Variants in HNRNPM observed in about 807,000 individuals in gnomAD.
The protein encoded by HNRNPM is CEA receptor.
Under a neutral mutation model 73.1 loss-of-function variants are expected in HNRNPM, and 11 were observed. The ratio of observed to expected loss-of-function variants is 0.15; its 90% CI spans 0.09 to 0.25. The LOEUF (loss-of-function observed/expected upper bound fraction) is 0.25, where lower values mean the gene tolerates loss of function less well. Ranked by LOEUF, HNRNPM falls within the 10% of genes least tolerant of loss-of-function variation. HNRNPM has a pLI of 1.00. For synonymous variants in HNRNPM, 407 were observed against 355.2 expected, an observed-to-expected ratio of 1.15 and a Z score of -1.64; for missense variants, 789 against 1,067.9, an observed-to-expected ratio of 0.74 and a Z score of 3.64.
intron 6 of HNRNPM, 47 bp from the exon 7 acceptor site, chr19:8,466,188 C>T: frequency 6.4e-7 from 1 of 1,557,806 alleles, no homozygotes; most frequent in Non-Finnish European, 8.7e-7. Flanking sequence ...TGTTGTGTTT[C>T]TTAAGATGTT....
At chr19:8,476,009 A>G (rs1458859412) in intron 12 of HNRNPM, among the ~76,000 whole-genome samples, 2 of 150,268 alleles carry the variant, frequency 1.3e-5, no homozygotes, top group African/African-American at 4.9e-5. Context: ...GATGGAAATC[A>G]GGATGGGTTG....
chr19:8,471,484 T>A, intron 10 of HNRNPM, 57 bp downstream of exon 10: 1 of 1,039,938 alleles, frequency 9.6e-7, no homozygotes. Flanking sequence ...TTATTAATTA[T>A]TGGGACAACT....
At chr19:8,469,139 A>T (rs181628977) in intron 9 of HNRNPM, among the ~76,000 whole-genome samples, 1 of 152,296 alleles carries the variant, frequency 6.6e-6, no homozygotes, top group East Asian at 1.9e-4. Context: ...ACCAGGCTGC[A>T]CTCTAATTCA....
At chr19:8,473,524 G>A in intron 10 of HNRNPM, 140 bp from the exon 11 acceptor site, 2 of 624,736 alleles carry the variant, frequency 3.2e-6, no homozygotes, top group Non-Finnish European at 2.8e-6. Flanking sequence ...TTTTCTTGCT[G>A]ATTAAAATAT....
At position 8,466,327 on chromosome 19, in the gene HNRNPM, A is replaced by G. The variant is rs1344480381; in HGVS notation, c.723A>G (p.Gly241=). The change falls in exon 7 of 16, where the codon GGA becomes GGG. Residue 241 remains glycine (G), a synonymous_variant. Transcript: ENST00000325495. ...CAGACATTCTTGAAGATAAAGATGG[A>G]AAAAGTCGTGGAATAGGCACTGTTA... ...VRADILEDKD[G]KSRGIGTVTF... The G allele has an allele frequency of 5.6e-6, 9 of 1,613,976 alleles. No individual in the cohort carries two copies. Among genetic ancestry groups the G allele is most frequent in the Non-Finnish European group, 7.6e-6 (9 of 1,179,978 alleles).
rs1040017279 is a variant in HNRNPM at position 8,488,969 on chromosome 19, T to C, written c.*115T>C. 5.2e-6 allele frequency: 5 copies of C among 963,636 alleles called. No homozygotes were observed. The highest frequency in any genetic ancestry group is 1.6e-5 in the African/African-American group (1 of 61,876). The allele number at this position is 963,636 out of a possible 1,614,324, so 59.7% of individuals were successfully genotyped here. A position where few individuals can be genotyped will look rare whatever the true frequency, so the allele number is the denominator to read the frequency against. On this transcript the variant is annotated 3_prime_UTR_variant, in exon 16 of 16. Transcript: ENST00000325495. Reference sequence around the variant, plus strand: ...GATGTTTAAAAAATTCAGTTGCTTTTTGGGGTAATTTGAATTACTTTTTTA... The same window carrying C: ...GATGTTTAAAAAATTCAGTTGCTTTCTGGGGTAATTTGAATTACTTTTTTA...
At position 8,465,432 on chromosome 19, in the gene HNRNPM, A is replaced by T; in HGVS notation, c.547A>T (p.Ile183Phe). 1 of 1,613,836 alleles carries T rather than the reference A, an allele frequency of 6.2e-7. No homozygotes were observed. Among genetic ancestry groups the T allele is most frequent in the South Asian group, 1.1e-5 (1 of 91,060 alleles). The part of the protein sequence containing the change: ...GPGMITIPPS[I>F]LNNPNIPNEI... ...AGGAATGATTACTATCCCACCCAGT[A>T]TCCTAAATAATCCCAACATCCCAAA... Residue 183 changes from isoleucine (I) to phenylalanine (F), a missense_variant, in exon 6 of 16, where the codon ATC (isoleucine) becomes TTC (phenylalanine). Physicochemically the swap from Ile to Phe is conservative, Grantham distance 21. Coordinates refer to ENST00000325495, the MANE Select transcript of HNRNPM (RefSeq NM_005968.5).
intron 1 of HNRNPM, among the ~76,000 whole-genome samples, chr19:8,450,663 A>G (rs774742418): frequency 1.5e-4 from 23 of 151,818 alleles, no homozygotes; most frequent in Non-Finnish European, 1.0e-4. Context: ...TGGCCTCCCA[A>G]AGTGCTGGGA....
At chr19:8,472,671 C>T (rs1223431185) in intron 10 of HNRNPM, among the ~76,000 whole-genome samples, 2 of 152,212 alleles carry the variant, frequency 1.3e-5, no homozygotes. Flanking sequence ...CAATCTCTGC[C>T]TCCTGGGTTC....
rs535588966 is a variant in HNRNPM at position 8,483,468 on chromosome 19, T to C, written c.1174+257T>C. On this transcript the variant is annotated intron_variant, in intron 13 of 15. Coordinates refer to ENST00000325495, the MANE Select transcript of HNRNPM (RefSeq NM_005968.5). ...AGAGTGAATGCATGTGAAAGAGTGC[T>C]TCCGCACGTGCTGTGCACAGGCCGA... Among the ~76,000 whole-genome samples the C allele has an allele frequency of 2.6e-5, 4 of 152,384 alleles. No homozygotes were observed. In the South Asian group the frequency reaches 6.2e-4, roughly 24 times the overall value.
At chr19:8,465,022 C>T (rs1568274983) in intron 5 of HNRNPM, among the ~76,000 whole-genome samples, 1 of 152,156 alleles carries the variant, frequency 6.6e-6, no homozygotes, top group East Asian at 1.9e-4. Flanking sequence ...TTCAGTCTGG[C>T]GGTTCTACAT....
intron 13 of HNRNPM, among the ~76,000 whole-genome samples, chr19:8,483,868 C>T (rs749467407): frequency 1.3e-5 from 2 of 152,164 alleles, no homozygotes; most frequent in Admixed American, 6.5e-5. Context: ...CAGGCCTAAG[C>T]GATTCTCCCA....
At chr19:8,448,436 T>TA (rs1260276074) in intron 1 of HNRNPM, among the ~76,000 whole-genome samples, 1 of 151,830 alleles carries the variant, frequency 6.6e-6, no homozygotes, top group Non-Finnish European at 1.5e-5. Flanking sequence ...GTATCATATA[T>TA]AAAATAAATG....
At chr19:8,463,222 C>G (rs1272951136) in intron 3 of HNRNPM, among the ~76,000 whole-genome samples, 1 of 151,946 alleles carries the variant, frequency 6.6e-6, no homozygotes, top group East Asian at 1.9e-4. Context: ...TCTTGGAGAC[C>G]CTGAATTTAG....
intron 12 of HNRNPM, among the ~76,000 whole-genome samples, chr19:8,478,923 C>T (rs956054722): frequency 1.3e-5 from 2 of 152,168 alleles, no homozygotes; most frequent in African/African-American, 4.8e-5. Context: ...GAGTTGTGCA[C>T]TTGCTGATGC....
chr19:8,459,598 C>T (rs1485761248), intron 2 of HNRNPM, among the ~76,000 whole-genome samples: 4 of 152,108 alleles, frequency 2.6e-5, no homozygotes, highest in African/African-American at 9.7e-5. Context: ...ATATATAGGT[C>T]TTATAACATG....
At position 8,462,085 on chromosome 19, in the gene HNRNPM, G is replaced by A. The variant is rs552086358; in HGVS notation, c.284-444G>A. 6 of 173,238 alleles carry A rather than the reference G, an allele frequency of 3.5e-5. No individual in the cohort carries two copies. Among genetic ancestry groups the A allele is most frequent in the Admixed American group, 1.1e-4 (2 of 17,870 alleles). The allele number at this position is 173,238 out of a possible 1,614,324, so 10.7% of individuals were successfully genotyped here. A position where few individuals can be genotyped will look rare whatever the true frequency, so the allele number is the denominator to read the frequency against. ...CCTGTGAGCTTATACCTTCGCATAC[G>A]TGCGTCCTTGTATTTATAGCATGTG... On this transcript the variant is annotated intron_variant, in intron 2 of 15. Coordinates refer to ENST00000325495, the MANE Select transcript of HNRNPM (RefSeq NM_005968.5). The surrounding 1 kb of genome is among the most constrained non-coding windows in gnomAD (Gnocchi z 4.5).
Position 8,462,057 on chromosome 19 carries a change from G to A in HNRNPM, c.284-472G>A, listed in dbSNP as rs1168173439. 1 of 158,700 alleles carries A rather than the reference G, an allele frequency of 6.3e-6. No homozygotes were observed. Among genetic ancestry groups the A allele is most frequent in the African/African-American group, 2.4e-5 (1 of 41,624 alleles). 9.8% of individuals were successfully genotyped at this position (158,700 alleles called of 1,614,324 possible). ...TGTGAAGCTGGCCCTGCGGCCGTGT[G>A]TGCCTGTGAGCTTATACCTTCGCAT... On this transcript the variant is annotated intron_variant, in intron 2 of 15. Transcript: ENST00000325495. The surrounding 1 kb of genome is among the most constrained non-coding windows in gnomAD (Gnocchi z 4.5).
chr19:8,451,845 G>A (rs1968654251), intron 1 of HNRNPM, among the ~76,000 whole-genome samples: 1 of 152,078 alleles, frequency 6.6e-6, no homozygotes, highest in Admixed American at 6.6e-5. Context: ...TTGAATATGT[G>A]TCTCGAATGA....
Sources: gnomAD v4.1 joint callset for allele counts (sites outside exome capture counted in the v4.1 genomes callset) on GRCh38, gnomAD v4.1.1 for gene constraint, Gnocchi (gnomAD v3.1) non-coding constraint, MANE v1.5 for transcripts, NCBI Gene and HGNC (gene_info 2026-07-23, HGNC 2026-07-21) for gene names.